The following CREB5 variants were observed in gnomAD, a reference collection of about 807,000 sequenced individuals.
CREB5 encodes cAMP responsive element binding protein 5.
CREB5 carries 19 observed loss-of-function variants against 57.1 expected under a neutral mutation model. That is an observed-to-expected ratio of 0.33 (90% CI 0.23 to 0.49). The LOEUF is 0.49. Among genes scored for constraint, CREB5 ranks in the 20% least tolerant of loss-of-function variants. The probability of loss-of-function intolerance (pLI) is 0.99; values close to 1 mark genes in which losing one functional copy is unlikely to be tolerated. For missense variants in CREB5, 579 were observed against 671.6 expected (o/e 0.86, Z 1.52); for synonymous variants, 238 against 238.3 (o/e 1.00, Z 0.01).
At chr7:28,582,475 T>C (rs1013468390) in intron 5 of CREB5, among the ~76,000 whole-genome samples, 1 of 152,194 alleles carries the variant, frequency 6.6e-6, no homozygotes, top group African/African-American at 2.4e-5. Context: ...TCAACTTCTT[T>C]TTAGTCTTAT....
At chr7:28,734,165 T>G (rs1183361863) in intron 7 of CREB5, among the ~76,000 whole-genome samples, 1 of 134,218 alleles carries the variant, frequency 7.5e-6, no homozygotes, top group Non-Finnish European at 1.5e-5. Flanking sequence ...AGCACTTTAG[T>G]ACTGAAATCC....
At chr7:28,724,615 G>A in intron 7 of CREB5, 1 of 299,964 alleles carries the variant, frequency 3.3e-6, no homozygotes, top group Non-Finnish European at 6.3e-6. Flanking sequence ...ACCCAAGCGT[G>A]TATATATTTG....
chr7:28,479,159 A>G (rs1206165436), intron 1 of CREB5, among the ~76,000 whole-genome samples: 1 of 152,044 alleles, frequency 6.6e-6, no homozygotes, highest in African/African-American at 2.4e-5. Flanking sequence ...CTTTTACCCT[A>G]AACTGGGTGG....
At chr7:28,475,888 C>G (rs192701733) in intron 1 of CREB5, among the ~76,000 whole-genome samples, 2 of 152,200 alleles carry the variant, frequency 1.3e-5, no homozygotes, top group African/African-American at 4.8e-5. Flanking sequence ...CCCTCCAAGC[C>G]CAGGGTGAGG....
At chr7:28,770,029 G>A (rs1008845561) in intron 7 of CREB5, among the ~76,000 whole-genome samples, 14 of 152,210 alleles carry the variant, frequency 9.2e-5, no homozygotes, top group Non-Finnish European at 1.9e-4. Flanking sequence ...GCTGGCCCGC[G>A]ACAGACAGGG....
intron 5 of CREB5, among the ~76,000 whole-genome samples, chr7:28,688,511 A>G (rs28382298): frequency 0.26 from 38,883 of 152,184 alleles, 5,687 homozygotes; most frequent in East Asian, 0.7. Context: ...AGGAGATTTA[A>G]GGCTACATTT....
At chr7:28,495,104 T>TA in intron 3 of CREB5, 105 bp downstream of exon 3, 4 of 661,186 alleles carry the variant, frequency 6.0e-6, no homozygotes, top group Non-Finnish European at 9.8e-6. Flanking sequence ...TTGTGCACCT[T>TA]GAAAATACAC....
rs541767094 is a variant in CREB5 at position 28,525,486 on chromosome 7, T to TTTA, written c.291+17767_291+17769dup. ...TCTTTCTTCCACATCCTCACCAGCA[T>TTTA]TTATTATTATTATTATTATTTATAA... On this transcript the variant is annotated intron_variant, in intron 4 of 10. Transcript: ENST00000357727. 9.7e-4 allele frequency among the ~76,000 whole-genome samples: 148 copies of TTTA among 151,944 alleles called. 1 individual carries two copies. In the South Asian group the frequency reaches 0.019, roughly 20 times the overall value.
chr7:28,611,672 C>A (rs1430148628), intron 5 of CREB5, among the ~76,000 whole-genome samples: 1 of 135,282 alleles, frequency 7.4e-6, no homozygotes, highest in Non-Finnish European at 1.6e-5. Context: ...ACTCTGTCTC[C>A]TAAATAAATA....
At chr7:28,347,632 C>T (rs1287756411) in intron 1 of CREB5, among the ~76,000 whole-genome samples, 2 of 152,188 alleles carry the variant, frequency 1.3e-5, no homozygotes, top group African/African-American at 4.8e-5. Context: ...CCCTGCCCCG[C>T]TCCCCACCCC....
chr7:28,663,451 C>A (rs1249113913), intron 5 of CREB5, among the ~76,000 whole-genome samples: 2 of 152,068 alleles, frequency 1.3e-5, no homozygotes, highest in Non-Finnish European at 2.9e-5. Context: ...GAGATGCACC[C>A]TGCCTTGGCC....
intron 5 of CREB5, among the ~76,000 whole-genome samples, chr7:28,671,568 T>C (rs1800041205): frequency 1.3e-5 from 2 of 152,170 alleles, no homozygotes; most frequent in South Asian, 4.1e-4. Flanking sequence ...GGGACTTGGG[T>C]TGCTTAGTCG....
chr7:28,654,001 G>A (rs1024346431), intron 5 of CREB5, among the ~76,000 whole-genome samples: 1 of 152,136 alleles, frequency 6.6e-6, no homozygotes, highest in East Asian at 1.9e-4. Flanking sequence ...CTGTATATAG[G>A]AGCATGTGGA....
intron 5 of CREB5, among the ~76,000 whole-genome samples, chr7:28,591,112 C>A (rs572683194): frequency 1.1e-4 from 16 of 152,274 alleles, no homozygotes; most frequent in South Asian, 1.0e-3. Context: ...ACTTTTACTC[C>A]AAACAGGATG....
intron 1 of CREB5, among the ~76,000 whole-genome samples, chr7:28,414,402 A>G (rs1787944983): frequency 6.6e-6 from 1 of 152,114 alleles, no homozygotes. Context: ...CCAATGCTTA[A>G]TTAGTGTTTA....
intron 1 of CREB5, among the ~76,000 whole-genome samples, chr7:28,368,272 T>C (rs1476941436): frequency 1.3e-5 from 2 of 152,074 alleles, no homozygotes; most frequent in Non-Finnish European, 1.5e-5. Context: ...AATTACCTAC[T>C]GAGTACAATG....
upstream of CREB5, among the ~76,000 whole-genome samples, chr7:28,411,481 G>A (rs893670685): frequency 7.5e-6 from 1 of 132,814 alleles, no homozygotes. Context: ...CAGAACCTCC[G>A]TATCTGGCAG....
At chr7:28,659,852 A>G (rs533939524) in intron 5 of CREB5, among the ~76,000 whole-genome samples, 4 of 152,266 alleles carry the variant, frequency 2.6e-5, no homozygotes, top group African/African-American at 9.6e-5. Context: ...ATATTAAACT[A>G]TAACAGCACT....
At chr7:28,421,692 A>G (rs1232289536) in intron 1 of CREB5, among the ~76,000 whole-genome samples, 1 of 151,342 alleles carries the variant, frequency 6.6e-6, no homozygotes, top group East Asian at 1.9e-4. Flanking sequence ...TTGAAAATGC[A>G]TTTGACCTTA....
Sources: allele counts gnomAD v4.1 joint callset (sites outside exome capture counted in the v4.1 genomes callset), GRCh38; gene constraint gnomAD v4.1.1; transcripts MANE v1.5; gene names NCBI Gene and HGNC (gene_info 2026-07-23, HGNC 2026-07-21).